Variants in NR3C2 observed in about 807,000 individuals in gnomAD.
The protein encoded by NR3C2 is nuclear receptor subfamily 3 group C member 2, also known as mineralocorticoid receptor.
NR3C2 carries 15 observed loss-of-function variants against 86.4 expected under a neutral mutation model. That is an observed-to-expected ratio of 0.17 (90% CI 0.12 to 0.27). NR3C2 has a LOEUF of 0.27. NR3C2 is among the 10% of genes least tolerant of loss of function. The pLI, the probability that NR3C2 is intolerant of heterozygous loss-of-function variation, is 1.00. For missense variants in NR3C2, 960 were observed against 1,195.6 expected (o/e 0.80, Z 2.91); for synonymous variants, 458 against 450.5 (o/e 1.02, Z -0.21).
At chr4:148,223,855 A>C (rs1737997693) in intron 3 of NR3C2, among the ~76,000 whole-genome samples, 1 of 152,190 alleles carries the variant, frequency 6.6e-6, no homozygotes, top group South Asian at 2.1e-4. Flanking sequence ...AGAACTGCCA[A>C]GTTTGCAGGA....
chr4:148,375,643 G>A lies in NR3C2; in HGVS notation c.1757+59461C>T, dbSNP rs575126435. On this transcript the variant is annotated intron_variant, in intron 2 of 8. Transcript: ENST00000358102. Reference sequence around the variant, plus strand: ...AATGCAGATCCTTGGTGTTTTGCTCGTCTATTTTAATACGCATAGCAAATA... The same window carrying A: ...AATGCAGATCCTTGGTGTTTTGCTCATCTATTTTAATACGCATAGCAAATA... Among the ~76,000 whole-genome samples the A allele has an allele frequency of 1.5e-4, 23 of 151,988 alleles. No individual in the cohort carries two copies. In the South Asian group the frequency reaches 4.0e-3, roughly 26 times the overall value.
At chr4:148,160,607 A>G (rs564712225) in intron 4 of NR3C2, among the ~76,000 whole-genome samples, 1 of 152,338 alleles carries the variant, frequency 6.6e-6, no homozygotes, top group South Asian at 2.1e-4. Context: ...TCATTAGAAA[A>G]AAATAAAGTG....
intron 6 of NR3C2, among the ~76,000 whole-genome samples, chr4:148,129,839 G>GC (rs1732934019): frequency 2.0e-5 from 3 of 152,150 alleles, no homozygotes; most frequent in Non-Finnish European, 4.4e-5. Context: ...CAGGTGATCT[G>GC]CCCCCCGCTT....
At position 148,313,819 on chromosome 4, in the gene NR3C2, C is replaced by A. The variant is rs1031442946; in HGVS notation, c.1758-53702G>T. Among the ~76,000 whole-genome samples, 9 of 152,188 alleles carry A rather than the reference C, an allele frequency of 5.9e-5. No individual in the cohort carries two copies. In the East Asian group the frequency reaches 1.7e-3, roughly 29 times the overall value. ...ATGGTGAACACACCCCCAGGCAATT[C>A]TCTTGCTAAGTTCAACAGTATTATA... On this transcript the variant is annotated intron_variant, in intron 2 of 8. Coordinates refer to ENST00000358102, the MANE Select transcript of NR3C2 (RefSeq NM_000901.5).
At position 148,185,681 on chromosome 4, in the gene NR3C2, T is replaced by C. The variant is rs149992229; in HGVS notation, c.2014+9065A>G. Among the ~76,000 whole-genome samples, 8 of 152,342 alleles carry C rather than the reference T, an allele frequency of 5.3e-5. No homozygotes were observed. The East Asian group carries it at 1.5e-3, about 29-fold the overall frequency. ...ACCACTACTAGCATCTCATACATCA[T>C]TCCAGAAATGTTCTATACAATATGC... On this transcript the variant is annotated intron_variant, in intron 4 of 8. Transcript: ENST00000358102.
chr4:148,367,892 AG>A (rs368928739), intron 2 of NR3C2, among the ~76,000 whole-genome samples: 71 of 150,994 alleles, frequency 4.7e-4, no homozygotes, highest in African/African-American at 1.7e-3. Flanking sequence ...AAAAAAGTCA[AG>A]GGGGATTTCT....
chr4:148,127,231 A>G (rs1218787504), intron 6 of NR3C2, among the ~76,000 whole-genome samples: 1 of 151,450 alleles, frequency 6.6e-6, no homozygotes, highest in Non-Finnish European at 1.5e-5. Context: ...TTTTTTGTGC[A>G]ATTGTGCATT....
rs1414328296 is a variant in NR3C2 at position 148,363,502 on chromosome 4, A to ATTTTTTTTT, written c.1757+71601_1757+71602insAAAAAAAAA. Among the ~76,000 whole-genome samples the ATTTTTTTTT allele has an allele frequency of 2.1e-3, 34 of 16,196 alleles. 1 individual carries two copies. Among genetic ancestry groups the ATTTTTTTTT allele is most frequent in the South Asian group, 3.5e-3 (1 of 288 alleles). 10.6% of individuals were successfully genotyped at this position (16,196 alleles called of 152,430 possible). On this transcript the variant is annotated intron_variant, in intron 2 of 8. Coordinates refer to ENST00000358102, the MANE Select transcript of NR3C2 (RefSeq NM_000901.5). ...CCATTAAAGTCTAGACTTCTCATAGATCTCTTTTTTTTTTTTTTTGAGACG... is the reference window on the plus strand; with the variant it reads ...CCATTAAAGTCTAGACTTCTCATAGATTTTTTTTTTCTCTTTTTTTTTTTTTTTGAGACG...
At chr4:148,392,171 G>T (rs1253340317) in intron 2 of NR3C2, among the ~76,000 whole-genome samples, 1 of 152,074 alleles carries the variant, frequency 6.6e-6, no homozygotes, top group East Asian at 1.9e-4. Flanking sequence ...GATCTGACAG[G>T]ACAAATAGAT....
intron 6 of NR3C2, among the ~76,000 whole-genome samples, chr4:148,137,383 G>C (rs1367067101): frequency 4.6e-5 from 7 of 152,098 alleles, no homozygotes; most frequent in Admixed American, 3.3e-4. Context: ...ATTTATGAAA[G>C]AGTGACAATA....
intron 6 of NR3C2, among the ~76,000 whole-genome samples, chr4:148,136,392 G>A (rs1733344492): frequency 6.6e-6 from 1 of 151,872 alleles, no homozygotes; most frequent in Admixed American, 6.6e-5. Flanking sequence ...GGAACAAAAG[G>A]AGAGGGGGAG....
At chr4:148,354,170 A>G (rs2149996049) in intron 2 of NR3C2, among the ~76,000 whole-genome samples, 1 of 152,236 alleles carries the variant, frequency 6.6e-6, no homozygotes, top group East Asian at 1.9e-4. Context: ...TGACATGAAG[A>G]TGACAAGGAT....
At chr4:148,179,794 T>C (rs994679197) in intron 4 of NR3C2, among the ~76,000 whole-genome samples, 7 of 152,012 alleles carry the variant, frequency 4.6e-5, no homozygotes, top group African/African-American at 1.7e-4. Flanking sequence ...ATTTCCTCCA[T>C]GAAATTCTGC....
rs528188343 is a variant in NR3C2 at position 148,404,493 on chromosome 4, C to A, written c.1757+30611G>T. On this transcript the variant is annotated intron_variant, in intron 2 of 8. Coordinates refer to ENST00000358102, the MANE Select transcript of NR3C2 (RefSeq NM_000901.5). ...TTTTGGGGGGAGTCTAGAGCAGGGA[C>A]ACGTTATCTGTGCACAAAAATGCAA... Among the ~76,000 whole-genome samples the A allele has an allele frequency of 3.4e-4, 52 of 152,186 alleles. 1 individual carries two copies. The highest frequency in any genetic ancestry group is 1.5e-5 in the Non-Finnish European group (1 of 67,966).
At chr4:148,112,711 T>C (rs1030585675) in intron 8 of NR3C2, among the ~76,000 whole-genome samples, 5 of 152,242 alleles carry the variant, frequency 3.3e-5, no homozygotes, top group East Asian at 1.9e-4. Context: ...AGGTAAATGA[T>C]ATGCACAGGG....
intron 3 of NR3C2, among the ~76,000 whole-genome samples, chr4:148,243,336 A>G (rs1374182327): frequency 7.2e-5 from 11 of 152,066 alleles, no homozygotes; most frequent in Admixed American, 7.2e-4. Flanking sequence ...AGCCCTAAAG[A>G]CATTTCTTTA....
intron 8 of NR3C2, among the ~76,000 whole-genome samples, chr4:148,082,852 A>T (rs865901338): frequency 6.6e-6 from 1 of 151,992 alleles, no homozygotes; most frequent in African/African-American, 2.4e-5. Context: ...CAGCAGTCTG[A>T]AGTCGACCCG....
intron 2 of NR3C2, among the ~76,000 whole-genome samples, chr4:148,416,638 T>C (rs774167176): frequency 6.6e-6 from 1 of 152,250 alleles, no homozygotes; most frequent in Non-Finnish European, 1.5e-5. Context: ...CGATGGTCTC[T>C]ATGCTCCCTA....
chr4:148,334,475 G>A (rs1431906758), intron 2 of NR3C2, among the ~76,000 whole-genome samples: 3 of 152,188 alleles, frequency 2.0e-5, no homozygotes, highest in African/African-American at 7.2e-5. Context: ...CTGGGAAGTG[G>A]AGGTTGCAGT....
Sources: gnomAD v4.1 joint callset for allele counts (sites outside exome capture counted in the v4.1 genomes callset) on GRCh38, gnomAD v4.1.1 for gene constraint, MANE v1.5 for transcripts, NCBI Gene and HGNC (gene_info 2026-07-23, HGNC 2026-07-21) for gene names.